The following AGBL1 variants were observed in gnomAD, a reference collection of about 807,000 sequenced individuals.
The protein encoded by AGBL1 is AGBL carboxypeptidase 1, also known as cytosolic carboxypeptidase 4.
In AGBL1, 130 loss-of-function variants were observed where a neutral mutation model predicts 118.9. The ratio of observed to expected loss-of-function variants is 1.09; its 90% confidence interval spans 0.95 to 1.26. The LOEUF is 1.26. AGBL1 is among the 50% of genes most tolerant of loss of function. AGBL1 has a pLI of 0.00. For synonymous variants in AGBL1, 555 were observed against 478.9 expected (o/e 1.16, Z -2.08); for missense variants, 1,584 against 1,298.1 (o/e 1.22, Z -3.38).
At chr15:86,309,224 G>A (rs1184695181) in intron 17 of AGBL1, among the ~76,000 whole-genome samples, 1 of 152,086 alleles carries the variant, frequency 6.6e-6, no homozygotes, top group Non-Finnish European at 1.5e-5. Flanking sequence ...TGTTGTCAGT[G>A]TATAGAAACA....
At chr15:86,398,434 T>C (rs2081399009) in intron 18 of AGBL1, among the ~76,000 whole-genome samples, 1 of 151,898 alleles carries the variant, frequency 6.6e-6, no homozygotes, top group South Asian at 2.1e-4. Context: ...AAAAAGAGAA[T>C]ACAAGATAAA....
At chr15:86,987,996 A>G (rs1488816719) in exon 24 of AGBL1, 4 of 1,613,500 alleles carry the variant, frequency 2.5e-6, no homozygotes, top group Non-Finnish European at 3.4e-6. Context: ...GATTAAAATC[A>G]TCCAATTTCC....
chr15:86,156,245 A>G (rs2077188498), intron 4 of AGBL1, among the ~76,000 whole-genome samples: 1 of 152,088 alleles, frequency 6.6e-6, no homozygotes, highest in African/African-American at 2.4e-5. Context: ...GAAGGCTACA[A>G]TTTGGAGCTC....
intron 17 of AGBL1, among the ~76,000 whole-genome samples, chr15:86,359,419 A>G (rs1182822829): frequency 4.8e-5 from 5 of 103,498 alleles, no homozygotes; most frequent in Non-Finnish European, 9.7e-5. Flanking sequence ...TTTGAATTCC[A>G]CTATCGTGGT....
At chr15:86,303,501 A>G (rs527483022) in intron 17 of AGBL1, among the ~76,000 whole-genome samples, 2 of 152,270 alleles carry the variant, frequency 1.3e-5, no homozygotes, top group South Asian at 4.1e-4. Flanking sequence ...GAATATGTGA[A>G]AAAGAGTAAG....
At chr15:86,383,668 G>T (rs983023111) in intron 17 of AGBL1, among the ~76,000 whole-genome samples, 2 of 152,154 alleles carry the variant, frequency 1.3e-5, no homozygotes, top group African/African-American at 2.4e-5. Context: ...TTTCCCTGCC[G>T]TTCTTCGCTG....
chr15:86,517,722 T>A (rs1179144915), intron 18 of AGBL1, among the ~76,000 whole-genome samples: 1 of 152,306 alleles, frequency 6.6e-6, no homozygotes, highest in East Asian at 1.9e-4. Flanking sequence ...CATAATAACA[T>A]GTCCCTGACA....
chr15:86,264,141 T>A (rs1181256226), intron 10 of AGBL1, 117 bp from the exon 11 acceptor site: 2 of 869,996 alleles, frequency 2.3e-6, no homozygotes, highest in Non-Finnish European at 3.5e-6. Context: ...GGAAAAAGCT[T>A]CCACATTCAC....
chr15:86,256,612 A>T (rs1284374462), intron 7 of AGBL1, among the ~76,000 whole-genome samples: 1 of 152,254 alleles, frequency 6.6e-6, no homozygotes, highest in East Asian at 1.9e-4. Context: ...GCAGTGATGT[A>T]TGAAATGAGC....
At chr15:86,088,101 G>A (rs1394981144) in intron 1 of AGBL1, 1 of 152,294 alleles carries the variant, frequency 6.6e-6, no homozygotes, top group Non-Finnish European at 1.5e-5. Context: ...ACATGCAAAT[G>A]AATGGGTATG....
intron 18 of AGBL1, among the ~76,000 whole-genome samples, chr15:86,460,865 C>T (rs8034196): frequency 0.016 from 2,368 of 152,236 alleles, 68 homozygotes; most frequent in African/African-American, 0.052. Context: ...GTCTGTATAC[C>T]ACTCTGCCTC....
intron 21 of AGBL1, among the ~76,000 whole-genome samples, chr15:86,636,941 A>G (rs1174251813): frequency 6.6e-6 from 1 of 151,418 alleles, no homozygotes; most frequent in Non-Finnish European, 1.5e-5. Flanking sequence ...AGAGATTTAT[A>G]AGAACAGATC....
At chr15:86,973,515 T>A (rs1319880420) in intron 23 of AGBL1, among the ~76,000 whole-genome samples, 1 of 151,788 alleles carries the variant, frequency 6.6e-6, no homozygotes, top group Non-Finnish European at 1.5e-5. Context: ...TCATGTCAGG[T>A]TGGCCTAGCA....
At chr15:86,173,519 G>A (rs776497876) in intron 5 of AGBL1, among the ~76,000 whole-genome samples, 6 of 151,984 alleles carry the variant, frequency 3.9e-5, no homozygotes, top group Non-Finnish European at 7.4e-5. Flanking sequence ...TCTTTAACCA[G>A]ACCAACCTTC....
intron 18 of AGBL1, among the ~76,000 whole-genome samples, chr15:86,433,424 C>T (rs1014719072): frequency 6.6e-6 from 1 of 151,774 alleles, no homozygotes; most frequent in Non-Finnish European, 1.5e-5. Flanking sequence ...CAGGCTGTTC[C>T]CTGGAAATTA....
Position 86,102,126 on chromosome 15 carries a change from C to T in AGBL1, c.51+22103C>T, listed in dbSNP as rs372458977. Among the ~76,000 whole-genome samples the T allele has an allele frequency of 2.8e-4, 43 of 151,764 alleles. 1 individual carries two copies. The highest frequency in any genetic ancestry group is 1.9e-4 in the East Asian group (1 of 5,152). ...TGTGATCTCAGCTCACTGCAACCTC[C>T]GCCTCCCAGGTTCAAGCGATCCGCT... On this transcript the variant is annotated intron_variant, in intron 1 of 22. Coordinates refer to ENST00000614907, the MANE Select transcript of AGBL1 (RefSeq NM_001386094.1).
chr15:86,722,865 A>G (rs2086749810), intron 22 of AGBL1, among the ~76,000 whole-genome samples: 1 of 152,188 alleles, frequency 6.6e-6, no homozygotes, highest in African/African-American at 2.4e-5. Context: ...ACACTTCTCA[A>G]AAGAAGACAT....
intron 1 of AGBL1, among the ~76,000 whole-genome samples, chr15:86,099,872 G>T (rs1301341625): frequency 6.6e-6 from 1 of 152,056 alleles, no homozygotes. Context: ...GTACTATGTT[G>T]AATAAGGGTG....
At chr15:86,249,735 G>T (rs1006658135) in intron 7 of AGBL1, among the ~76,000 whole-genome samples, 2 of 151,996 alleles carry the variant, frequency 1.3e-5, no homozygotes, top group African/African-American at 4.8e-5. Context: ...TCTCTGTTCT[G>T]TGCTAAAAAA....
Sources: allele counts gnomAD v4.1 joint callset (sites outside exome capture counted in the v4.1 genomes callset), GRCh38; gene constraint gnomAD v4.1.1; transcripts MANE v1.5; gene names NCBI Gene and HGNC (gene_info 2026-07-23, HGNC 2026-07-21).